Variants in RNF144B observed in about 807,000 individuals in gnomAD.
RNF144B encodes the protein ring finger protein 144B.
RNF144B carries 25 observed loss-of-function variants against 40.2 expected under a neutral mutation model. The observed-to-expected ratio is 0.62, with a 90% confidence interval of 0.45 to 0.87. The LOEUF (loss-of-function observed/expected upper bound fraction) is 0.87. Ranked by LOEUF, RNF144B falls within the 40% of genes least tolerant of loss-of-function variation. The pLI is 0.00. For synonymous variants in RNF144B, 145 were observed against 136.3 expected (o/e 1.06, Z -0.44); for missense variants, 365 against 373.7 (o/e 0.98, Z 0.19).
chr6:18,465,917 C>T lies in RNF144B; in HGVS notation c.*850C>T, dbSNP rs776462563. 1 of 152,208 alleles carries T rather than the reference C, an allele frequency of 6.6e-6. No homozygotes were observed. Among genetic ancestry groups the T allele is most frequent in the Non-Finnish European group, 1.5e-5 (1 of 68,054 alleles). The allele number at this position is 152,208 out of a possible 1,614,324, so 9.4% of individuals were successfully genotyped here. On this transcript the variant is annotated 3_prime_UTR_variant, in exon 8 of 8. Coordinates refer to ENST00000259939, the MANE Select transcript of RNF144B (RefSeq NM_182757.4). ...CGTCATAGATATCTGGGACCTTTCT[C>T]AGGATCTGTGTTCACACAGCCAATA...
chr6:18,437,599 A>G (rs1758852279), intron 3 of RNF144B, among the ~76,000 whole-genome samples: 1 of 152,182 alleles, frequency 6.6e-6, no homozygotes, highest in East Asian at 1.9e-4. Flanking sequence ...AAATTGATTT[A>G]CCTTAGTAAG....
chr6:18,420,637 C>CG (rs538632001), intron 2 of RNF144B, among the ~76,000 whole-genome samples: 1 of 151,922 alleles, frequency 6.6e-6, no homozygotes, highest in Non-Finnish European at 1.5e-5. Flanking sequence ...ATTTGGGGAG[C>CG]GGGGGAGGTT....
At chr6:18,388,775 C>A (rs114015882) in intron 1 of RNF144B, among the ~76,000 whole-genome samples, 1,640 of 151,962 alleles carry the variant, frequency 0.011, 32 homozygotes, top group African/African-American at 0.038. Flanking sequence ...TCACACAACT[C>A]CTGCTCTGCC....
Position 18,456,298 on chromosome 6 carries a change from C to T in RNF144B, c.332-857C>T, listed in dbSNP as rs991794670. ...AGAATATCCAAACTGACAGGTAATC[C>T]AACTTCTTGGCTAAGCCACACCAGA... On this transcript the variant is annotated intron_variant, in intron 4 of 7. Coordinates refer to ENST00000259939, the MANE Select transcript of RNF144B (RefSeq NM_182757.4). The surrounding 1 kb of genome is among the most constrained non-coding windows in gnomAD (Gnocchi z 4.7). 3.3e-5 allele frequency among the ~76,000 whole-genome samples: 5 copies of T among 152,180 alleles called. No homozygotes were observed. Among genetic ancestry groups the T allele is most frequent in the African/African-American group, 1.2e-4 (5 of 41,436 alleles).
Position 18,442,512 on chromosome 6 carries a change from CA to C in RNF144B, c.331+2771del, listed in dbSNP as rs1404343138. 6.6e-6 allele frequency among the ~76,000 whole-genome samples: 1 copy of C among 152,182 alleles called. No homozygotes were observed. Among genetic ancestry groups the C allele is most frequent in the Non-Finnish European group, 1.5e-5 (1 of 68,020 alleles). On this transcript the variant is annotated intron_variant, in intron 4 of 7. Coordinates refer to ENST00000259939, the MANE Select transcript of RNF144B (RefSeq NM_182757.4). The surrounding 1 kb of genome is among the most constrained non-coding windows in gnomAD (Gnocchi z 4.3). The stretch of plus-strand genomic sequence containing the variant: ...CTGTGGCTAACCTTCCTTATCTATA[CA>C]AATGTTAAAATTCTATACTTTTCTT...
chr6:18,451,247 T>C (rs1186247827), intron 4 of RNF144B, among the ~76,000 whole-genome samples: 1 of 152,204 alleles, frequency 6.6e-6, no homozygotes, highest in Non-Finnish European at 1.5e-5. Flanking sequence ...GCCTCTATTT[T>C]TCATCTCCAT....
chr6:18,387,663 C>T (rs1348664898), intron 1 of RNF144B, 33 bp downstream of exon 1: 3 of 1,286,832 alleles, frequency 2.3e-6, no homozygotes, highest in Non-Finnish European at 3.0e-6. Context: ...AGGCTACAGG[C>T]GTTGCAAGAC....
At position 18,427,581 on chromosome 6, in the gene RNF144B, T is replaced by C; in HGVS notation, c.166T>C (p.Cys56Arg). ...TTGTCTTTTTTTTCTTAACTTCCAG[T>C]GCCTGAAACAGTACATGCAGCTGGC... ...QECQCIFCTA[C>R]LKQYMQLAIR... The change falls in exon 3 of 8, where the codon TGC (cysteine) becomes CGC (arginine). Residue 56 changes from cysteine to arginine, a missense_variant and splice_region_variant. Coordinates refer to ENST00000259939, the MANE Select transcript of RNF144B (RefSeq NM_182757.4). 6.2e-7 allele frequency: 1 copy of C among 1,610,496 alleles called. No individual in the cohort carries two copies. Among genetic ancestry groups the C allele is most frequent in the Non-Finnish European group, 8.5e-7 (1 of 1,177,548 alleles).
chr6:18,405,673 T>A lies in RNF144B; in HGVS notation c.165+5974T>A, dbSNP rs1794890427. On this transcript the variant is annotated intron_variant, in intron 2 of 7. Transcript: ENST00000259939. The surrounding 1 kb of genome is among the most constrained non-coding windows in gnomAD (Gnocchi z 4.5). ...CAATGCCGATTTTATTGGCACTATA[T>A]TTTTCCACTGACAACGGAGCCACTG... Among the ~76,000 whole-genome samples, 1 of 152,192 alleles carries A rather than the reference T, an allele frequency of 6.6e-6. No homozygotes were observed. The highest frequency in any genetic ancestry group is 2.4e-5 in the African/African-American group (1 of 41,438).
At chr6:18,428,526 A>G (rs982888612) in intron 3 of RNF144B, among the ~76,000 whole-genome samples, 3 of 151,806 alleles carry the variant, frequency 2.0e-5, no homozygotes, top group African/African-American at 7.3e-5. Context: ...TTGTTCAATC[A>G]CCGGTTATTG....
rs1279024838 is a variant in RNF144B at position 18,399,562 on chromosome 6, C to G, written c.28C>G (p.Leu10Val). ...GGGCTCAGCTGGTAGGCTCCACTAT[C>G]TCGCCATGACTGCTGAAAATCCCAC... MGSAGRLHY[L>V]AMTAENPTPG... Residue 10 changes from leucine (L) to valine (V), a missense_variant, in exon 2 of 8, where the codon CTC becomes GTC. Transcript: ENST00000259939. The G allele has an allele frequency of 2.5e-6, 4 of 1,614,026 alleles. No individual in the cohort carries two copies. Among genetic ancestry groups the G allele is most frequent in the Non-Finnish European group, 3.4e-6 (4 of 1,179,990 alleles).
rs1336191186 is a variant in RNF144B, at chr6:18,460,027, A to C, written c.681+276A>C. ...TGTCTCTATTATGTAAAGGACTATT[A>C]GTGTCTTCATTTTATATTGCTGTTG... On this transcript the variant is annotated intron_variant, in intron 6 of 7. Coordinates refer to ENST00000259939, the MANE Select transcript of RNF144B (RefSeq NM_182757.4). The surrounding 1 kb of genome is among the most constrained non-coding windows in gnomAD (Gnocchi z 4.4). Among the ~76,000 whole-genome samples, 1 of 152,210 alleles carries C rather than the reference A, an allele frequency of 6.6e-6. No individual in the cohort carries two copies. The highest frequency in any genetic ancestry group is 1.9e-4 in the East Asian group (1 of 5,188).
chr6:18,411,762 G>A (rs1231261863), intron 2 of RNF144B, among the ~76,000 whole-genome samples: 1 of 151,964 alleles, frequency 6.6e-6, no homozygotes, highest in Non-Finnish European at 1.5e-5. Context: ...CCAAAGTGCT[G>A]GGATTACAGG....
intron 2 of RNF144B, among the ~76,000 whole-genome samples, chr6:18,413,387 AT>A (rs1257583377): frequency 6.6e-6 from 1 of 152,248 alleles, no homozygotes; most frequent in Non-Finnish European, 1.5e-5. Flanking sequence ...GGTTTAAAAA[AT>A]CCAAGGAGTT....
intron 2 of RNF144B, among the ~76,000 whole-genome samples, chr6:18,413,907 G>A (rs1276466755): frequency 2.0e-5 from 3 of 152,024 alleles, no homozygotes; most frequent in Admixed American, 6.5e-5. Flanking sequence ...TTTATCTTAC[G>A]GTTTATGGTA....
At chr6:18,452,737 T>C (rs1759236702) in intron 4 of RNF144B, among the ~76,000 whole-genome samples, 2 of 152,196 alleles carry the variant, frequency 1.3e-5, no homozygotes, top group African/African-American at 2.4e-5. Context: ...GTTATGTTTT[T>C]TTAATATTCT....
intron 2 of RNF144B, among the ~76,000 whole-genome samples, chr6:18,409,490 T>C (rs1794989484): frequency 6.8e-6 from 1 of 146,908 alleles, no homozygotes; most frequent in Admixed American, 6.9e-5. Context: ...TATTAAGAAA[T>C]AGTAACTTAT....
chr6:18,436,707 C>T (rs888363058), intron 3 of RNF144B, among the ~76,000 whole-genome samples: 2 of 152,104 alleles, frequency 1.3e-5, no homozygotes, highest in Non-Finnish European at 2.9e-5. Flanking sequence ...GTCAATTTTA[C>T]AGTACTTGTG....
intron 2 of RNF144B, among the ~76,000 whole-genome samples, chr6:18,426,234 C>T (rs1397670578): frequency 2.6e-5 from 4 of 152,132 alleles, no homozygotes; most frequent in Non-Finnish European, 1.5e-5. Context: ...AAAATCTAAA[C>T]CCAGTTGTAA....
Sources: gnomAD v4.1 joint callset for allele counts (sites outside exome capture counted in the v4.1 genomes callset) on GRCh38, gnomAD v4.1.1 for gene constraint, Gnocchi (gnomAD v3.1) non-coding constraint, MANE v1.5 for transcripts, NCBI Gene and HGNC (gene_info 2026-07-23, HGNC 2026-07-21) for gene names.